Variants in RIMS2 observed in about 807,000 individuals in gnomAD.
The protein encoded by RIMS2 is regulating synaptic membrane exocytosis 2.
RIMS2 carries 59 observed loss-of-function variants against 174.4 expected under a neutral mutation model. That is an observed-to-expected ratio of 0.34 (90% CI 0.27 to 0.42). The LOEUF (loss-of-function observed/expected upper bound fraction) is 0.42. RIMS2 is among the 10% of genes least tolerant of loss of function. The probability of loss-of-function intolerance (pLI) is 1.00; values close to 1 mark genes in which losing one functional copy is unlikely to be tolerated. For synonymous variants in RIMS2, 606 were observed against 572.5 expected (o/e 1.06, Z -0.84); for missense variants, 1,620 against 1,666.3 (o/e 0.97, Z 0.48).
intron 2 of RIMS2, among the ~76,000 whole-genome samples, chr8:103,743,083 T>C (rs532147914): frequency 1.3e-5 from 2 of 152,292 alleles, no homozygotes; most frequent in East Asian, 3.9e-4. Flanking sequence ...AGCAAGTACC[T>C]TGTTTTAGTC....
intron 3 of RIMS2, among the ~76,000 whole-genome samples, chr8:103,787,620 A>G (rs2098456142): frequency 6.6e-6 from 1 of 152,148 alleles, no homozygotes; most frequent in Non-Finnish European, 1.5e-5. Flanking sequence ...TCTTGCTTGT[A>G]GGGTTTCTGC....
At chr8:103,532,213 T>C (rs1012052077) in intron 1 of RIMS2, among the ~76,000 whole-genome samples, 1 of 152,194 alleles carries the variant, frequency 6.6e-6, no homozygotes, top group Non-Finnish European at 1.5e-5. Flanking sequence ...TTCCCACTTA[T>C]TACACCATAG....
At chr8:103,713,087 T>G (rs1375101299) in intron 2 of RIMS2, among the ~76,000 whole-genome samples, 1 of 152,060 alleles carries the variant, frequency 6.6e-6, no homozygotes, top group Non-Finnish European at 1.5e-5. Flanking sequence ...GGTGCAATCT[T>G]GGCTCATTGC....
chr8:103,554,443 C>T (rs1849506653), intron 1 of RIMS2, among the ~76,000 whole-genome samples: 2 of 152,108 alleles, frequency 1.3e-5, no homozygotes, highest in African/African-American at 4.8e-5. Context: ...TGAAAAAATG[C>T]TCATCTTACC....
At chr8:104,103,275 T>C (rs1440006144) in intron 19 of RIMS2, among the ~76,000 whole-genome samples, 4 of 152,158 alleles carry the variant, frequency 2.6e-5, no homozygotes, top group Non-Finnish European at 4.4e-5. Context: ...AATTCATTTT[T>C]GGGGTGATGA....
At position 103,642,023 on chromosome 8, in the gene RIMS2, G is replaced by A. The variant is rs554990099; in HGVS notation, c.177-55063G>A. Among the ~76,000 whole-genome samples the A allele has an allele frequency of 3.5e-4, 53 of 152,018 alleles. 2 individuals are homozygous for A. In the South Asian group the frequency reaches 0.01, roughly 29 times the overall value. On this transcript the variant is annotated intron_variant, in intron 1 of 23. Transcript: ENST00000504942. ...TCTGATATTCTCTGCTTTTTAATTGGCATATTTAGACCATTCACGTTTAAG... is the reference window on the plus strand; with the variant it reads ...TCTGATATTCTCTGCTTTTTAATTGACATATTTAGACCATTCACGTTTAAG...
At chr8:103,837,296 C>G (rs1240137377) in intron 3 of RIMS2, among the ~76,000 whole-genome samples, 1 of 152,220 alleles carries the variant, frequency 6.6e-6, no homozygotes, top group African/African-American at 2.4e-5. Flanking sequence ...GCTGCCAGAA[C>G]CCAGTTCTTC....
At chr8:103,929,453 C>T (rs1373010583) in intron 11 of RIMS2, among the ~76,000 whole-genome samples, 1 of 151,684 alleles carries the variant, frequency 6.6e-6, no homozygotes, top group Non-Finnish European at 1.5e-5. Flanking sequence ...TTAGCTTAGT[C>T]TCATAATAAT....
intron 14 of RIMS2, among the ~76,000 whole-genome samples, chr8:103,956,057 A>C (rs2087083131): frequency 6.6e-6 from 1 of 152,194 alleles, no homozygotes; most frequent in South Asian, 2.1e-4. Context: ...GATGTGAAGG[A>C]CCTCTTCAAG....
intron 3 of RIMS2, among the ~76,000 whole-genome samples, chr8:103,817,972 G>A (rs2098728327): frequency 6.6e-6 from 1 of 151,598 alleles, no homozygotes; most frequent in African/African-American, 2.4e-5. Flanking sequence ...GTATACCTAT[G>A]AAAATCTGAA....
chr8:104,155,012 T>C (rs1286318219), intron 19 of RIMS2, among the ~76,000 whole-genome samples: 1 of 152,182 alleles, frequency 6.6e-6, no homozygotes, highest in Non-Finnish European at 1.5e-5. Context: ...TTTACAAATA[T>C]TTAATATATG....
chr8:103,739,088 A>T (rs1371450902), intron 2 of RIMS2, among the ~76,000 whole-genome samples: 5 of 152,230 alleles, frequency 3.3e-5, no homozygotes, highest in Non-Finnish European at 5.9e-5. Flanking sequence ...ACGTATGTTT[A>T]TTGTGGCACT....
Position 104,237,929 on chromosome 8 carries a change from G to A in RIMS2, c.3335-6987G>A, listed in dbSNP as rs994300074. ...GTGTCCCCATATTGAGGTCTTGCAG[G>A]ACCAAATAAATAAATAAATAAACAT... On this transcript the variant is annotated intron_variant, in intron 19 of 23. Transcript: ENST00000504942. 9.9e-5 allele frequency among the ~76,000 whole-genome samples: 15 copies of A among 152,116 alleles called. No individual in the cohort carries two copies. The East Asian group carries it at 2.7e-3, about 27-fold the overall frequency.
chr8:103,513,619 A>G (rs1254751225), intron 1 of RIMS2, among the ~76,000 whole-genome samples: 3 of 152,176 alleles, frequency 2.0e-5, no homozygotes, highest in African/African-American at 7.2e-5. Context: ...TTACACAAAA[A>G]TAATTTTTGT....
At chr8:103,777,514 A>G (rs991542233) in intron 3 of RIMS2, among the ~76,000 whole-genome samples, 3 of 152,000 alleles carry the variant, frequency 2.0e-5, no homozygotes, top group African/African-American at 7.2e-5. Context: ...TGGCATATGT[A>G]TCATATATCC....
intron 1 of RIMS2, among the ~76,000 whole-genome samples, chr8:103,605,717 G>A (rs1167071177): frequency 2.6e-5 from 4 of 152,074 alleles, no homozygotes; most frequent in African/African-American, 9.7e-5. Context: ...CTTCTTCCTG[G>A]TTTAGTCTTG....
At chr8:104,139,244 T>C (rs922530761) in intron 19 of RIMS2, among the ~76,000 whole-genome samples, 1 of 152,198 alleles carries the variant, frequency 6.6e-6, no homozygotes, top group Non-Finnish European at 1.5e-5. Context: ...GCTTTAGCTA[T>C]TCTGAGTCTT....
chr8:103,984,308 G>A (rs1382701028), intron 16 of RIMS2, among the ~76,000 whole-genome samples: 1 of 152,160 alleles, frequency 6.6e-6, no homozygotes, highest in African/African-American at 2.4e-5. Context: ...ATCCATCTCA[G>A]AAGGGATTAA....
chr8:103,769,596 G>A (rs1284256637), intron 3 of RIMS2, among the ~76,000 whole-genome samples: 1 of 152,194 alleles, frequency 6.6e-6, no homozygotes, highest in Non-Finnish European at 1.5e-5. Context: ...AAAGTGTTGG[G>A]ATTACAGGCG....
Sources: allele counts gnomAD v4.1 joint callset (sites outside exome capture counted in the v4.1 genomes callset), GRCh38; gene constraint gnomAD v4.1.1; transcripts MANE v1.5; gene names NCBI Gene and HGNC (gene_info 2026-07-23, HGNC 2026-07-21).